Variants in ITPK1 observed in about 807,000 individuals in gnomAD.
ITPK1 encodes the protein inositol 1,3,4-trisphosphate 5/6-kinase.
A neutral mutation model predicts 45.3 loss-of-function variants in ITPK1; 21 were observed. That is an observed-to-expected ratio of 0.46 (90% CI 0.33 to 0.67). ITPK1 has a LOEUF of 0.67. Among genes scored for constraint, ITPK1 ranks in the 30% least tolerant of loss-of-function variants. ITPK1 has a pLI of 0.02. For missense variants in ITPK1, 474 were observed against 573.5 expected (o/e 0.83, Z 1.77); for synonymous variants, 258 against 253.6 (o/e 1.02, Z -0.16).
intron 5 of ITPK1, among the ~76,000 whole-genome samples, chr14:92,990,638 C>A (rs948395759): frequency 6.6e-6 from 1 of 152,178 alleles, no homozygotes; most frequent in Non-Finnish European, 1.5e-5. Context: ...ACTGAGAAGG[C>A]AGTGACCTCA....
chr14:93,098,168 A>C (rs2140017564), intron 2 of ITPK1, among the ~76,000 whole-genome samples: 1 of 152,152 alleles, frequency 6.6e-6, no homozygotes, highest in South Asian at 2.1e-4. Flanking sequence ...AAAATGCAAA[A>C]ATTAATGGCC....
intron 3 of ITPK1, among the ~76,000 whole-genome samples, chr14:93,030,729 C>T (rs563569999): frequency 3.9e-5 from 6 of 152,296 alleles, no homozygotes; most frequent in South Asian, 4.2e-4. Context: ...CCCCAAAAAA[C>T]GGTATGTTGA....
At chr14:92,997,960 G>A (rs1305247461) in intron 4 of ITPK1, among the ~76,000 whole-genome samples, 2 of 152,236 alleles carry the variant, frequency 1.3e-5, no homozygotes, top group African/African-American at 4.8e-5. Flanking sequence ...AGAATGAGAT[G>A]AACGTCAGAG....
chr14:92,985,052 CACTAGGGAGGG>C (rs967374859), intron 5 of ITPK1, among the ~76,000 whole-genome samples: 6 of 152,144 alleles, frequency 3.9e-5, no homozygotes, highest in African/African-American at 1.4e-4. Flanking sequence ...TGATATGACG[CACTAGGGAGGG>C]ACTGGCACTG....
At chr14:93,054,781 A>G (rs575902223) in intron 3 of ITPK1, among the ~76,000 whole-genome samples, 1 of 152,344 alleles carries the variant, frequency 6.6e-6, no homozygotes, top group South Asian at 2.1e-4. Flanking sequence ...TACAGAAAAC[A>G]GCACTCTCTC....
At chr14:93,058,391 G>T (rs1890301354) in intron 3 of ITPK1, among the ~76,000 whole-genome samples, 1 of 137,266 alleles carries the variant, frequency 7.3e-6, no homozygotes, top group Non-Finnish European at 1.6e-5. Context: ...GGTGGAGGGG[G>T]TGTAGGTCGC....
chr14:93,066,404 ATTC>A (rs1251515263), intron 3 of ITPK1: 5 of 329,228 alleles, frequency 1.5e-5, no homozygotes, highest in Non-Finnish European at 3.0e-5. Flanking sequence ...ACATTTAGCA[ATTC>A]TTTTTTTTTT....
At chr14:92,985,925 G>GA (rs1357471394) in intron 5 of ITPK1, among the ~76,000 whole-genome samples, 2 of 152,140 alleles carry the variant, frequency 1.3e-5, no homozygotes, top group African/African-American at 4.8e-5. Context: ...GAAAGCTGGG[G>GA]CTCAATGCAG....
chr14:92,949,933 G>A (rs1019055675), intron 9 of ITPK1, among the ~76,000 whole-genome samples: 1 of 152,144 alleles, frequency 6.6e-6, no homozygotes, highest in Non-Finnish European at 1.5e-5. Context: ...AGTGGGCCTC[G>A]GCACCCGGCT....
At chr14:93,050,911 C>T (rs964952887) in intron 3 of ITPK1, among the ~76,000 whole-genome samples, 3 of 152,138 alleles carry the variant, frequency 2.0e-5, no homozygotes, top group African/African-American at 7.2e-5. Flanking sequence ...CTTTAATAAA[C>T]ACGCCTTGCG....
intron 7 of ITPK1, among the ~76,000 whole-genome samples, chr14:92,959,743 G>A (rs960532739): frequency 6.6e-6 from 1 of 151,608 alleles, no homozygotes; most frequent in Non-Finnish European, 1.5e-5. Flanking sequence ...TGGAGCAAAT[G>A]AGTACCCTCA....
At chr14:92,992,944 T>C (rs1261313768) in intron 5 of ITPK1, among the ~76,000 whole-genome samples, 6 of 152,188 alleles carry the variant, frequency 3.9e-5, no homozygotes, top group Non-Finnish European at 5.9e-5. Context: ...ACACAACACA[T>C]AGCCAATAAA....
At chr14:92,960,132 T>C (rs1315830409) in intron 7 of ITPK1, among the ~76,000 whole-genome samples, 3 of 152,192 alleles carry the variant, frequency 2.0e-5, no homozygotes, top group Non-Finnish European at 2.9e-5. Context: ...TCTGAGTACA[T>C]GGGACGTGGT....
intron 3 of ITPK1, among the ~76,000 whole-genome samples, chr14:93,018,836 C>T (rs1344871866): frequency 6.6e-6 from 1 of 152,218 alleles, no homozygotes; most frequent in African/African-American, 2.4e-5. Flanking sequence ...CAAGGCCATG[C>T]AGGTGAAGCG....
intron 3 of ITPK1, among the ~76,000 whole-genome samples, chr14:93,030,176 A>G (rs1268598007): frequency 6.6e-6 from 1 of 152,278 alleles, no homozygotes; most frequent in African/African-American, 2.4e-5. Flanking sequence ...CACTCAGTAG[A>G]GCTGACTGGG....
intron 4 of ITPK1, among the ~76,000 whole-genome samples, chr14:92,994,487 T>C (rs1886951717): frequency 1.3e-5 from 2 of 152,168 alleles, no homozygotes; most frequent in South Asian, 2.1e-4. Flanking sequence ...CTGTACCTAC[T>C]AGCTTTGGGG....
chr14:93,027,168 G>T (rs1888779548), intron 3 of ITPK1, among the ~76,000 whole-genome samples: 1 of 152,224 alleles, frequency 6.6e-6, no homozygotes, highest in Non-Finnish European at 1.5e-5. Context: ...CACCACAGGG[G>T]AGAGGACCAG....
chr14:93,068,181 C>A (rs555504049), intron 3 of ITPK1: 1 of 152,370 alleles, frequency 6.6e-6, no homozygotes, highest in African/African-American at 2.4e-5. Flanking sequence ...CAATCCTGTG[C>A]GCTGTCATCC....
chr14:93,072,441 G>A (rs1363028451), intron 3 of ITPK1, among the ~76,000 whole-genome samples: 1 of 151,806 alleles, frequency 6.6e-6, no homozygotes, highest in Admixed American at 6.6e-5. Context: ...AATAAGACAG[G>A]GTTTATCAAT....
Sources: gnomAD v4.1 joint callset for allele counts (sites outside exome capture counted in the v4.1 genomes callset) on GRCh38, gnomAD v4.1.1 for gene constraint, MANE v1.5 for transcripts, NCBI Gene and HGNC (gene_info 2026-07-23, HGNC 2026-07-21) for gene names.